ERO1B: variants seen among roughly 807,000 people sequenced by gnomAD.
ERO1B encodes endoplasmic reticulum oxidoreductase 1 beta.
Under a neutral mutation model 75.3 loss-of-function variants are expected in ERO1B, and 49 were observed. The ratio of observed to expected loss-of-function variants is 0.65; its 90% CI spans 0.52 to 0.83. The LOEUF is 0.83. Among genes scored for constraint, ERO1B ranks in the 40% least tolerant of loss-of-function variants. ERO1B has a pLI of 0.00. For synonymous variants in ERO1B, 191 were observed against 192.9 expected (o/e 0.99, Z 0.08); for missense variants, 512 against 560.1 (o/e 0.91, Z 0.87).
intron 13 of ERO1B, among the ~76,000 whole-genome samples, chr1:236,224,747 A>G (rs1457796598): frequency 1.3e-5 from 2 of 152,204 alleles, no homozygotes; most frequent in African/African-American, 4.8e-5. Context: ...AGTGGCTAAA[A>G]GCTCATGGTA....
At chr1:236,246,158 T>C (rs10802448) in intron 5 of ERO1B, among the ~76,000 whole-genome samples, 10,431 of 152,122 alleles carry the variant, frequency 0.069, 743 homozygotes, top group East Asian at 0.39. Context: ...CATATGTATG[T>C]ACCAAATTTT....
At chr1:236,241,851 G>A (rs987500562) in intron 6 of ERO1B, among the ~76,000 whole-genome samples, 9 of 151,964 alleles carry the variant, frequency 5.9e-5, no homozygotes, top group East Asian at 1.9e-4. Flanking sequence ...GGTGGATCAC[G>A]AGGTCAGGAG....
chr1:236,236,873 G>A (rs1439811926), intron 6 of ERO1B, among the ~76,000 whole-genome samples: 1 of 151,976 alleles, frequency 6.6e-6, no homozygotes, highest in East Asian at 1.9e-4. Flanking sequence ...GACTCATGAA[G>A]TAAACGGCTC....
rs550660110 is a variant in ERO1B, at chr1:236,244,798, T to C, written c.432-1303A>G. 2.6e-5 allele frequency among the ~76,000 whole-genome samples: 4 copies of C among 152,222 alleles called. No homozygotes were observed. In the East Asian group the frequency reaches 7.8e-4, roughly 30 times the overall value. ...TTTATAAATGAGTTAGAAGGGACCT[T>C]AGAGGTTATCTACTTCAGCTTTTCC... On this transcript the variant is annotated intron_variant, in intron 5 of 15. Transcript: ENST00000354619.
At chr1:236,264,153 T>C (rs1665363988) in intron 2 of ERO1B, among the ~76,000 whole-genome samples, 1 of 152,178 alleles carries the variant, frequency 6.6e-6, no homozygotes, top group Non-Finnish European at 1.5e-5. Flanking sequence ...CAGGCTGGAG[T>C]GCAGTGGCGT....
rs1054185857 is a variant in ERO1B, at chr1:236,239,987, C to A, written c.505+3435G>T. On this transcript the variant is annotated intron_variant, in intron 6 of 15. Transcript: ENST00000354619. ...TGGCATGGTCTCAGCTCAATGCAAC[C>A]TCTGCCTGTCGGGTTCAAGCAATTC... Among the ~76,000 whole-genome samples, 9 of 149,282 alleles carry A rather than the reference C, an allele frequency of 6.0e-5. No individual in the cohort carries two copies. The Admixed American group carries it at 6.1e-4, about 10-fold the overall frequency.
chr1:236,245,152 G>C (rs562592705), intron 5 of ERO1B, among the ~76,000 whole-genome samples: 18 of 150,298 alleles, frequency 1.2e-4, no homozygotes, highest in Admixed American at 1.1e-3. Flanking sequence ...AACACATCCA[G>C]CTAATTTATT....
intron 5 of ERO1B, among the ~76,000 whole-genome samples, chr1:236,243,744 T>C (rs1381784342): frequency 1.3e-5 from 2 of 152,108 alleles, no homozygotes; most frequent in East Asian, 3.8e-4. Context: ...CAATAATAAT[T>C]ATTTCAAGGA....
chr1:236,239,859 GTATA>G (rs150005841), intron 6 of ERO1B, among the ~76,000 whole-genome samples: 3 of 74,478 alleles, frequency 4.0e-5, no homozygotes, highest in East Asian at 5.5e-4. Flanking sequence ...GTGTATATAT[GTATA>G]TATATATGTG....
At position 236,220,722 on chromosome 1, in the gene ERO1B, A is replaced by T. The variant is rs547545197; in HGVS notation, c.1343+110T>A. 9,128 of 1,105,514 alleles carry T rather than the reference A, an allele frequency of 8.3e-3. 50 individuals are homozygous for T. The highest frequency in any genetic ancestry group is 8.8e-3 in the Non-Finnish European group (7,274 of 825,920). The allele number at this position is 1,105,514 out of a possible 1,614,324, so 68.5% of individuals were successfully genotyped here. A position where few individuals can be genotyped will look rare whatever the true frequency, so the allele number is the denominator to read the frequency against. ...TAAGTTAGTACAGATACAATATAAA[A>T]TTTTTTTTTGTCAACAAAACAAACC... On this transcript the variant is annotated intron_variant, in intron 15 of 15. Transcript: ENST00000354619.
intron 14 of ERO1B, 33 bp from the exon 15 acceptor site, chr1:236,220,998 T>C: frequency 7.0e-7 from 1 of 1,428,524 alleles, no homozygotes; most frequent in African/African-American, 1.5e-5. Flanking sequence ...CATAATTAAC[T>C]TTAAATAATA....
In ERO1B at chr1:236,281,926, C is replaced by G. The variant is rs895482385; in HGVS notation, c.-143G>C. On this transcript the variant is annotated 5_prime_UTR_variant, in exon 1 of 16. Coordinates refer to ENST00000354619, the MANE Select transcript of ERO1B (RefSeq NM_019891.4). The stretch of plus-strand genomic sequence containing the variant: ...GTCTGCACTCCAGTCCGGAGGCAGG[C>G]GACTCTTTCCCCAACACCCGGCAGC... The G allele has an allele frequency of 1.7e-5, 8 of 463,410 alleles. No homozygotes were observed. The highest frequency in any genetic ancestry group is 2.8e-5 in the Non-Finnish European group (8 of 283,990). The allele number at this position is 463,410 out of a possible 1,614,324, so 28.7% of individuals were successfully genotyped here. A position where few individuals can be genotyped will look rare whatever the true frequency, so the allele number is the denominator to read the frequency against.
chr1:236,220,519 A>G (rs1227684529), intron 15 of ERO1B: 6 of 180,018 alleles, frequency 3.3e-5, no homozygotes, highest in Non-Finnish European at 6.9e-5. Flanking sequence ...CACCTTCTCA[A>G]TCACACATTC....
At chr1:236,250,993 G>A (rs1665012937) in intron 4 of ERO1B, among the ~76,000 whole-genome samples, 1 of 152,006 alleles carries the variant, frequency 6.6e-6, no homozygotes, top group East Asian at 1.9e-4. Context: ...ATTACTGTTT[G>A]AAATAGCCAA....
intron 1 of ERO1B, among the ~76,000 whole-genome samples, chr1:236,278,740 C>T (rs1447196845): frequency 6.6e-6 from 1 of 152,088 alleles, no homozygotes; most frequent in Non-Finnish European, 1.5e-5. Context: ...GTTTCCAGTG[C>T]TTCACCAAAG....
chr1:236,268,738 T>G (rs1348222617), intron 2 of ERO1B, among the ~76,000 whole-genome samples: 1 of 151,400 alleles, frequency 6.6e-6, no homozygotes, highest in Non-Finnish European at 1.5e-5. Flanking sequence ...TACAAAATAT[T>G]AGCCGTGCGT....
chr1:236,264,405 A>C (rs1417138349), intron 2 of ERO1B, among the ~76,000 whole-genome samples: 5 of 152,200 alleles, frequency 3.3e-5, no homozygotes. Flanking sequence ...CACCATGCCC[A>C]GACAACTTTT....
At chr1:236,247,370 CA>C (rs1664910872) in intron 5 of ERO1B, among the ~76,000 whole-genome samples, 1 of 152,128 alleles carries the variant, frequency 6.6e-6, no homozygotes, top group South Asian at 2.1e-4. Flanking sequence ...TTTATAATTC[CA>C]AATCTTGTAG....
intron 14 of ERO1B, chr1:236,221,684 T>C: frequency 4.9e-6 from 2 of 409,998 alleles, no homozygotes; most frequent in Non-Finnish European, 4.3e-6. Context: ...TCTGGTATTG[T>C]ATCAATAGAA....
Sources: gnomAD v4.1 joint callset for allele counts (sites outside exome capture counted in the v4.1 genomes callset) on GRCh38, gnomAD v4.1.1 for gene constraint, MANE v1.5 for transcripts, NCBI Gene and HGNC (gene_info 2026-07-23, HGNC 2026-07-21) for gene names.